Variants in CDH13 observed in about 807,000 individuals in gnomAD.
The protein encoded by CDH13 is cadherin 13, also known as cadherin-13.
In CDH13, 24 loss-of-function variants were observed where a neutral mutation model predicts 63.8. The observed-to-expected ratio is 0.38, with a 90% CI of 0.27 to 0.53. The LOEUF is 0.53. CDH13 is among the 20% of genes least tolerant of loss of function. The pLI is 0.85. For synonymous variants in CDH13, 503 were observed against 355.3 expected (o/e 1.42, Z -4.67); for missense variants, 1,049 against 903.1 (o/e 1.16, Z -2.07).
intron 2 of CDH13, among the ~76,000 whole-genome samples, chr16:83,016,838 T>G (rs943684623): frequency 6.6e-6 from 1 of 152,182 alleles, no homozygotes; most frequent in African/African-American, 2.4e-5. Context: ...AAGATGCTCA[T>G]CTACATACTG....
At chr16:82,963,345 C>G (rs1459410116) in intron 2 of CDH13, among the ~76,000 whole-genome samples, 2 of 152,180 alleles carry the variant, frequency 1.3e-5, no homozygotes, top group Admixed American at 6.5e-5. Context: ...CACCATTGCA[C>G]TCCAGCCTGG....
chr16:82,965,258 C>G lies in CDH13; in HGVS notation c.158-66752C>G, dbSNP rs369215859. Among the ~76,000 whole-genome samples, 9 of 152,170 alleles carry G rather than the reference C, an allele frequency of 5.9e-5. No individual in the cohort carries two copies. In the East Asian group the frequency reaches 1.3e-3, roughly 23 times the overall value. ...ATACTTTGCTTCTTCCCTCCCCACACGATCTCTCCAAAGCCTGGGAACTGA... is the reference window on the plus strand; with the variant it reads ...ATACTTTGCTTCTTCCCTCCCCACAGGATCTCTCCAAAGCCTGGGAACTGA... On this transcript the variant is annotated intron_variant, in intron 2 of 13. Coordinates refer to ENST00000567109, the MANE Select transcript of CDH13 (RefSeq NM_001257.5).
At chr16:82,827,669 C>T (rs1434081064) in intron 1 of CDH13, among the ~76,000 whole-genome samples, 1 of 152,142 alleles carries the variant, frequency 6.6e-6, no homozygotes, top group Admixed American at 6.5e-5. Context: ...TGAGGAAGGA[C>T]ATGGAACCTC....
intron 11 of CDH13, among the ~76,000 whole-genome samples, chr16:83,767,983 G>GA (rs1914513580): frequency 1.3e-5 from 2 of 151,934 alleles, no homozygotes; most frequent in South Asian, 2.1e-4. Context: ...TAAAGAGTAA[G>GA]AAAAAAGTAA....
intron 1 of CDH13, among the ~76,000 whole-genome samples, chr16:82,854,400 C>CA (rs66969029): frequency 0.25 from 28,140 of 111,946 alleles, 4,968 homozygotes; most frequent in Non-Finnish European, 0.36. Context: ...GGCTCTGTCT[C>CA]AAAAAAAAAA....
intron 2 of CDH13, among the ~76,000 whole-genome samples, chr16:82,872,157 C>T (rs1306064123): frequency 2.6e-5 from 4 of 152,202 alleles, no homozygotes; most frequent in Admixed American, 6.5e-5. Flanking sequence ...CTTATGACCG[C>T]AGACTGTGCC....
At chr16:82,960,149 C>T (rs1252740361) in intron 2 of CDH13, among the ~76,000 whole-genome samples, 1 of 151,982 alleles carries the variant, frequency 6.6e-6, no homozygotes, top group Non-Finnish European at 1.5e-5. Context: ...CAGAAGGGAG[C>T]CTCTGCAGTG....
In CDH13 at chr16:83,606,924, A is replaced by C. The variant is rs545493031; in HGVS notation, c.1101+4330A>C. Among the ~76,000 whole-genome samples the C allele has an allele frequency of 3.3e-5, 5 of 152,024 alleles. No individual in the cohort carries two copies. The East Asian group carries it at 9.8e-4, about 30-fold the overall frequency. On this transcript the variant is annotated intron_variant, in intron 8 of 13. Coordinates refer to ENST00000567109, the MANE Select transcript of CDH13 (RefSeq NM_001257.5). ...GCAGGGAATGAGAAGAACAAAGGAG[A>C]ACCGGCCACCTGAGTAAATGTCACT...
chr16:83,246,106 C>A (rs1227272230), intron 5 of CDH13, among the ~76,000 whole-genome samples: 3 of 152,172 alleles, frequency 2.0e-5, no homozygotes, highest in Admixed American at 6.5e-5. Context: ...TTTATTGTTA[C>A]AGTCAAGATT....
chr16:83,080,096 T>C (rs73598146), intron 3 of CDH13, among the ~76,000 whole-genome samples: 1 of 152,160 alleles, frequency 6.6e-6, no homozygotes, highest in Admixed American at 6.6e-5. Context: ...TCTTGTGGCC[T>C]GGGTGAAGGT....
intron 4 of CDH13, among the ~76,000 whole-genome samples, chr16:83,211,009 G>T (rs532618748): frequency 6.6e-6 from 1 of 151,848 alleles, no homozygotes; most frequent in African/African-American, 2.4e-5. Flanking sequence ...TTAGCTGGGC[G>T]TGGTGGCACG....
chr16:83,745,500 T>A (rs1466369581), intron 10 of CDH13, among the ~76,000 whole-genome samples: 1 of 152,170 alleles, frequency 6.6e-6, no homozygotes, highest in Non-Finnish European at 1.5e-5. Flanking sequence ...CTGGGAACAC[T>A]CGGAGGGGCT....
At chr16:83,730,333 C>A (rs1836868684) in intron 10 of CDH13, among the ~76,000 whole-genome samples, 1 of 152,168 alleles carries the variant, frequency 6.6e-6, no homozygotes, top group Non-Finnish European at 1.5e-5. Flanking sequence ...ATGTTATTAA[C>A]CTGGCATTCC....
At chr16:83,122,621 C>G (rs185975005) in intron 3 of CDH13, among the ~76,000 whole-genome samples, 69 of 152,262 alleles carry the variant, frequency 4.5e-4, no homozygotes, top group African/African-American at 1.6e-3. Flanking sequence ...GTCCCTTTAT[C>G]CCTATTCATT....
At chr16:83,006,901 T>A (rs76174030) in intron 2 of CDH13, among the ~76,000 whole-genome samples, 54 of 38,968 alleles carry the variant, frequency 1.4e-3, no homozygotes, top group Admixed American at 4.5e-3. Context: ...CAGTTTTGAT[T>A]TTTTTTGTTT....
chr16:83,480,807 T>C (rs1363370769), intron 6 of CDH13, among the ~76,000 whole-genome samples: 1 of 152,140 alleles, frequency 6.6e-6, no homozygotes, highest in East Asian at 1.9e-4. Context: ...GGAAATTTAG[T>C]TTCCAATGAG....
intron 5 of CDH13, among the ~76,000 whole-genome samples, chr16:83,281,146 A>G (rs2089159252): frequency 6.6e-6 from 1 of 152,216 alleles, no homozygotes; most frequent in Non-Finnish European, 1.5e-5. Context: ...TCTCATCTAC[A>G]CTGAAAATGT....
chr16:82,835,295 A>G (rs995579147), intron 1 of CDH13, among the ~76,000 whole-genome samples: 2 of 152,330 alleles, frequency 1.3e-5, no homozygotes, highest in Admixed American at 1.3e-4. Flanking sequence ...GCAGCTCTAG[A>G]GAGCTGGAAC....
intron 5 of CDH13, 62 bp from the exon 6 acceptor site, chr16:83,344,800 T>G: frequency 2.5e-6 from 4 of 1,577,012 alleles, no homozygotes; most frequent in East Asian, 4.5e-5. Flanking sequence ...CTAGAGAACC[T>G]TATTTGAATT....
Sources: allele counts gnomAD v4.1 joint callset (sites outside exome capture counted in the v4.1 genomes callset), GRCh38; gene constraint gnomAD v4.1.1; transcripts MANE v1.5; gene names NCBI Gene and HGNC (gene_info 2026-07-23, HGNC 2026-07-21).